The following PTPRR variants were observed in gnomAD, a reference collection of about 807,000 sequenced individuals.
PTPRR encodes protein tyrosine phosphatase receptor type R, also known as receptor-type tyrosine-protein phosphatase R.
A neutral mutation model predicts 77.2 loss-of-function variants in PTPRR; 38 were observed. The observed-to-expected ratio is 0.49, with a 90% CI of 0.38 to 0.65. The LOEUF is 0.65. PTPRR is among the 30% of genes least tolerant of loss of function. The probability of loss-of-function intolerance (pLI) is 0.00; values close to 1 mark genes in which losing one functional copy is unlikely to be tolerated. For synonymous variants in PTPRR, 299 were observed against 283.1 expected, an observed-to-expected ratio of 1.06 and a Z score of -0.57; for missense variants, 744 against 799.2, an observed-to-expected ratio of 0.93 and a Z score of 0.83.
intron 8 of PTPRR, among the ~76,000 whole-genome samples, chr12:70,696,411 A>G (rs17108620): frequency 0.025 from 3,779 of 152,246 alleles, 146 homozygotes; most frequent in African/African-American, 0.086. Context: ...ATGAAGCTCA[A>G]TCTAGTTTCA....
chr12:70,887,047 C>T (rs1479021734), intron 2 of PTPRR, among the ~76,000 whole-genome samples: 3 of 152,168 alleles, frequency 2.0e-5, no homozygotes, highest in Admixed American at 6.5e-5. Context: ...TAAGACAGTG[C>T]CCTCCTTCTT....
chr12:70,859,919 T>C (rs915395463), intron 2 of PTPRR, among the ~76,000 whole-genome samples: 3 of 152,128 alleles, frequency 2.0e-5, no homozygotes. Context: ...ACTCATAGCT[T>C]ATTTTTTCCT....
At chr12:70,890,600 G>A (rs1228714219) in intron 2 of PTPRR, among the ~76,000 whole-genome samples, 1 of 151,900 alleles carries the variant, frequency 6.6e-6, no homozygotes, top group Non-Finnish European at 1.5e-5. Flanking sequence ...TTTTTACCCT[G>A]GCTGGAAAAA....
intron 2 of PTPRR, among the ~76,000 whole-genome samples, chr12:70,843,853 T>G (rs1269912068): frequency 1.3e-5 from 2 of 150,474 alleles, no homozygotes; most frequent in South Asian, 2.1e-4. Context: ...TTCACTCTTG[T>G]TGCCCAGGCT....
chr12:70,771,197 A>G (rs1890967601), intron 2 of PTPRR, among the ~76,000 whole-genome samples: 1 of 152,072 alleles, frequency 6.6e-6, no homozygotes, highest in South Asian at 2.1e-4. Context: ...GATGTATTAT[A>G]TACACCATGG....
intron 12 of PTPRR, among the ~76,000 whole-genome samples, chr12:70,660,418 C>T (rs1269458146): frequency 1.3e-5 from 2 of 152,090 alleles, no homozygotes; most frequent in East Asian, 1.9e-4. Context: ...CCTTTGGTGA[C>T]TTGCTCACTT....
intron 2 of PTPRR, among the ~76,000 whole-genome samples, chr12:70,775,158 T>A (rs1453088899): frequency 6.6e-6 from 1 of 152,030 alleles, no homozygotes; most frequent in Non-Finnish European, 1.5e-5. Flanking sequence ...ATAAGAACAA[T>A]TGAGTATTTT....
rs59675559 is a variant in PTPRR at position 70,778,991 on chromosome 12, A to T, written c.358-14213T>A. Among the ~76,000 whole-genome samples the T allele has an allele frequency of 8.0e-3, 1,214 of 152,028 alleles. 22 individuals are homozygous for T. The highest frequency in any genetic ancestry group is 0.027 in the African/African-American group (1,138 of 41,494). On this transcript the variant is annotated intron_variant, in intron 2 of 13. Coordinates refer to ENST00000283228, the MANE Select transcript of PTPRR (RefSeq NM_002849.4). ...CTCCCAAGTAGCTGGGATTACAGGC[A>T]TGCACCACCACACCCAGCTAATTTT...
intron 2 of PTPRR, among the ~76,000 whole-genome samples, chr12:70,859,321 C>T (rs1055195491): frequency 6.6e-6 from 1 of 152,060 alleles, no homozygotes; most frequent in African/African-American, 2.4e-5. Flanking sequence ...TATTCCCCTT[C>T]ATCTGAGTTG....
intron 13 of PTPRR, among the ~76,000 whole-genome samples, chr12:70,639,854 G>T (rs929327136): frequency 1.3e-5 from 2 of 152,170 alleles, no homozygotes; most frequent in African/African-American, 4.8e-5. Context: ...GCAAAATGTT[G>T]CTTTCTACAA....
At chr12:70,845,340 A>T (rs936656925) in intron 2 of PTPRR, among the ~76,000 whole-genome samples, 1 of 152,180 alleles carries the variant, frequency 6.6e-6, no homozygotes, top group Non-Finnish European at 1.5e-5. Context: ...ACCCCCCAAA[A>T]AAAGGACAGA....
At chr12:70,873,436 G>T (rs980618286) in intron 2 of PTPRR, among the ~76,000 whole-genome samples, 4 of 152,074 alleles carry the variant, frequency 2.6e-5, no homozygotes, top group Non-Finnish European at 5.9e-5. Context: ...CCTTTTTATT[G>T]TTGCATTTTC....
At chr12:70,892,136 A>C (rs1398536731) in intron 2 of PTPRR, among the ~76,000 whole-genome samples, 1 of 152,080 alleles carries the variant, frequency 6.6e-6, no homozygotes, top group African/African-American at 2.4e-5. Context: ...AAGAATGGTT[A>C]TTATTCAGTA....
At chr12:70,820,818 T>C (rs781674691) in intron 2 of PTPRR, among the ~76,000 whole-genome samples, 29 of 152,208 alleles carry the variant, frequency 1.9e-4, no homozygotes, top group Admixed American at 5.9e-4. Flanking sequence ...AAGAGTCCTG[T>C]TGTTTTAGCA....
intron 10 of PTPRR, among the ~76,000 whole-genome samples, chr12:70,671,333 A>C (rs533814585): frequency 3.5e-4 from 54 of 152,278 alleles, no homozygotes; most frequent in African/African-American, 1.3e-3. Flanking sequence ...AAAATAACAA[A>C]ATTTTTATTG....
At position 70,896,519 on chromosome 12, in the gene PTPRR, G is replaced by A. The variant is rs555202534; in HGVS notation, c.59-3542C>T. On this transcript the variant is annotated intron_variant, in intron 1 of 13. Transcript: ENST00000283228. The stretch of plus-strand genomic sequence containing the variant: ...ATGTTGAAAACTGAAATTATACAAG[G>A]TATACTCTTTGACCATGAAGGAATT... Among the ~76,000 whole-genome samples the A allele has an allele frequency of 3.8e-4, 57 of 151,534 alleles. 1 individual carries two copies. The highest frequency in any genetic ancestry group is 1.0e-3 in the African/African-American group (43 of 41,408).
chr12:70,884,015 G>A (rs1023079933), intron 2 of PTPRR, among the ~76,000 whole-genome samples: 2 of 152,136 alleles, frequency 1.3e-5, no homozygotes, highest in African/African-American at 4.8e-5. Context: ...TATCTCCCAG[G>A]TCTAAAGCTT....
chr12:70,678,822 C>T (rs75795163), intron 10 of PTPRR, among the ~76,000 whole-genome samples: 1,796 of 152,170 alleles, frequency 0.012, 34 homozygotes, highest in African/African-American at 0.04. Flanking sequence ...CCTGAGATTA[C>T]AGGTGTGTAC....
chr12:70,752,816 A>G (rs1479758981), intron 5 of PTPRR, among the ~76,000 whole-genome samples: 1 of 152,230 alleles, frequency 6.6e-6, no homozygotes, highest in African/African-American at 2.4e-5. Flanking sequence ...CATATAAAGG[A>G]AGAATCACGT....
Sources: allele counts gnomAD v4.1 joint callset (sites outside exome capture counted in the v4.1 genomes callset), GRCh38; gene constraint gnomAD v4.1.1; transcripts MANE v1.5; gene names NCBI Gene and HGNC (gene_info 2026-07-23, HGNC 2026-07-21).